The following CCDC102B variants were observed in gnomAD, a reference collection of about 807,000 sequenced individuals.
CCDC102B encodes the protein coiled-coil domain containing 102B.
CCDC102B carries 75 observed loss-of-function variants against 57.4 expected under a neutral mutation model. That is an observed-to-expected ratio of 1.31 (90% CI 1.08 to 1.58). The LOEUF (loss-of-function observed/expected upper bound fraction) is 1.58. CCDC102B is among the 40% of genes most tolerant of loss of function. CCDC102B has a pLI of 0.00. For missense variants in CCDC102B, 636 were observed against 582.6 expected, an observed-to-expected ratio of 1.09 and a Z score of -0.94; for synonymous variants, 206 against 201.9, an observed-to-expected ratio of 1.02 and a Z score of -0.17.
intron 2 of CCDC102B, among the ~76,000 whole-genome samples, chr18:68,738,328 A>G (rs1376298762): frequency 6.6e-6 from 1 of 152,218 alleles, no homozygotes; most frequent in African/African-American, 2.4e-5. Context: ...TGTCTTATCT[A>G]AAGATGTCTC....
intron 7 of CCDC102B, among the ~76,000 whole-genome samples, chr18:69,045,245 T>C (rs191741373): frequency 6.6e-6 from 1 of 152,056 alleles, no homozygotes; most frequent in Non-Finnish European, 1.5e-5. Context: ...TCATGAAGCA[T>C]TCAATATATC....
chr18:68,773,664 T>G (rs2034715895), intron 2 of CCDC102B, among the ~76,000 whole-genome samples: 1 of 151,970 alleles, frequency 6.6e-6, no homozygotes. Context: ...GTACGTAAAA[T>G]GCAAAGTATA....
chr18:69,027,487 T>A (rs148778223), intron 7 of CCDC102B, among the ~76,000 whole-genome samples: 161 of 152,312 alleles, frequency 1.1e-3, no homozygotes, highest in African/African-American at 3.6e-3. Flanking sequence ...AAATTTTCCA[T>A]ATGCAACAGG....
chr18:69,002,230 G>T (rs1416530437), intron 6 of CCDC102B, among the ~76,000 whole-genome samples: 1 of 152,108 alleles, frequency 6.6e-6, no homozygotes, highest in Non-Finnish European at 1.5e-5. Flanking sequence ...GTTATTTCTT[G>T]CCCGCCCGAC....
intron 6 of CCDC102B, among the ~76,000 whole-genome samples, chr18:68,966,882 G>GGTAGAT (rs2050178420): frequency 6.6e-6 from 1 of 152,098 alleles, no homozygotes; most frequent in Non-Finnish European, 1.5e-5. Context: ...TTCCCCAGCT[G>GGTAGAT]TGGTGGAATC....
chr18:68,897,009 C>A (rs1254683072), intron 5 of CCDC102B, among the ~76,000 whole-genome samples: 5 of 151,938 alleles, frequency 3.3e-5, no homozygotes, highest in African/African-American at 1.2e-4. Context: ...TTACATGAAC[C>A]AAGAGGAAAA....
Position 68,745,740 on chromosome 18 carries a change from C to T in CCDC102B, c.-67+29146C>T, listed in dbSNP as rs558328018. 1.1e-4 allele frequency among the ~76,000 whole-genome samples: 17 copies of T among 152,236 alleles called. No homozygotes were observed. The East Asian group carries it at 3.1e-3, about 28-fold the overall frequency. ...TTAACCTACCTCCCTTCATGCCTCCCGCCCTTTTCCAGACTCTAGTAACCA... is the reference window on the plus strand; with the variant it reads ...TTAACCTACCTCCCTTCATGCCTCCTGCCCTTTTCCAGACTCTAGTAACCA... On this transcript the variant is annotated intron_variant, in intron 2 of 3. Coordinates refer to the CCDC102B transcript ENST00000578970.
chr18:68,997,126 TGA>T (rs2051050121), intron 6 of CCDC102B, among the ~76,000 whole-genome samples: 1 of 152,128 alleles, frequency 6.6e-6, no homozygotes, highest in Non-Finnish European at 1.5e-5. Context: ...CCTTCCACTG[TGA>T]TTGTAAGTTT....
intron 5 of CCDC102B, among the ~76,000 whole-genome samples, chr18:68,890,972 A>G (rs1189704024): frequency 6.6e-6 from 1 of 152,188 alleles, no homozygotes; most frequent in Admixed American, 6.5e-5. Context: ...TTTCTTTAGG[A>G]ATAGAATTAC....
At chr18:68,931,165 C>T (rs1463755410) in intron 6 of CCDC102B, among the ~76,000 whole-genome samples, 4 of 151,174 alleles carry the variant, frequency 2.6e-5, no homozygotes, top group South Asian at 2.1e-4. Flanking sequence ...ATCTGTAAGT[C>T]GCATTGTATT....
chr18:68,923,475 A>T (rs1001305348), intron 6 of CCDC102B, among the ~76,000 whole-genome samples: 1 of 152,078 alleles, frequency 6.6e-6, no homozygotes, highest in African/African-American at 2.4e-5. Flanking sequence ...AATAACTGCC[A>T]CGAATTGAGC....
At chr18:68,891,101 T>C (rs1004225747) in intron 5 of CCDC102B, among the ~76,000 whole-genome samples, 2 of 152,208 alleles carry the variant, frequency 1.3e-5, no homozygotes, top group Non-Finnish European at 2.9e-5. Flanking sequence ...TGTTTCCTAA[T>C]AATGTTAATG....
rs954124514 is a variant in CCDC102B at position 68,932,058 on chromosome 18, G to A, written c.1263+34630G>A. On this transcript the variant is annotated intron_variant, in intron 6 of 7. Coordinates refer to ENST00000360242, the MANE Select transcript of CCDC102B (RefSeq NM_024781.3). ...TTACTGAACTGTTTGTTGAACTGATGTATGAATCTCTTTTCTTCTAACATG... is the reference window on the plus strand; with the variant it reads ...TTACTGAACTGTTTGTTGAACTGATATATGAATCTCTTTTCTTCTAACATG... 2.0e-5 allele frequency among the ~76,000 whole-genome samples: 3 copies of A among 151,654 alleles called. No homozygotes were observed. In the East Asian group the frequency reaches 5.8e-4, roughly 30 times the overall value.
chr18:68,886,450 A>G lies in CCDC102B; in HGVS notation c.1054-10769A>G, dbSNP rs2039887643. ...ATTTGGATATTAACAGCAACAAAAA[A>G]GTGATCTTGAACCCATTGTTGAACT... On this transcript the variant is annotated intron_variant, in intron 5 of 7. Transcript: ENST00000360242. 2.0e-5 allele frequency among the ~76,000 whole-genome samples: 3 copies of G among 150,168 alleles called. No individual in the cohort carries two copies. The South Asian group carries it at 6.4e-4, about 32-fold the overall frequency.
chr18:68,944,861 CTAAAATAGAACAACATTCTT>C (rs1344147688), intron 6 of CCDC102B, among the ~76,000 whole-genome samples: 1 of 151,968 alleles, frequency 6.6e-6, no homozygotes. Flanking sequence ...AGATGCTTTC[CTAAAATAGAACAACATTCTT>C]GACCTTTCTT....
chr18:68,748,338 C>A (rs568325462), intron 2 of CCDC102B, among the ~76,000 whole-genome samples: 2 of 151,224 alleles, frequency 1.3e-5, no homozygotes, highest in African/African-American at 4.9e-5. Flanking sequence ...GTTCCAGATA[C>A]AATTGAGGAT....
chr18:68,870,260 A>C (rs2039186042), intron 4 of CCDC102B, among the ~76,000 whole-genome samples: 1 of 152,142 alleles, frequency 6.6e-6, no homozygotes, highest in Non-Finnish European at 1.5e-5. Context: ...TAAAACCTAG[A>C]TGACGGGTTG....
intron 6 of CCDC102B, among the ~76,000 whole-genome samples, chr18:68,999,317 C>G (rs372677012): frequency 6.6e-6 from 1 of 151,906 alleles, no homozygotes; most frequent in Non-Finnish European, 1.5e-5. Flanking sequence ...AAGATGTAAG[C>G]CTGGCACATT....
chr18:68,981,246 G>A (rs538914406), intron 6 of CCDC102B, among the ~76,000 whole-genome samples: 7 of 151,962 alleles, frequency 4.6e-5, no homozygotes, highest in Non-Finnish European at 8.8e-5. Flanking sequence ...CGCAGAGAAA[G>A]GGAAAGGAGA....
Sources: allele counts gnomAD v4.1 joint callset (sites outside exome capture counted in the v4.1 genomes callset), GRCh38; gene constraint gnomAD v4.1.1; transcripts MANE v1.5; gene names NCBI Gene and HGNC (gene_info 2026-07-23, HGNC 2026-07-21).